Variants in ERC2 observed in about 807,000 individuals in gnomAD.
ERC2 encodes the protein ERC protein 2.
A neutral mutation model predicts 114.8 loss-of-function variants in ERC2; 42 were observed. That is an observed-to-expected ratio of 0.37 (90% CI 0.29 to 0.47). ERC2 has a LOEUF of 0.47. Among genes scored for constraint, ERC2 ranks in the 20% least tolerant of loss-of-function variants. The pLI is 0.99. For synonymous variants in ERC2, 454 were observed against 425.5 expected (o/e 1.07, Z -0.82); for missense variants, 939 against 1,150.7 (o/e 0.82, Z 2.66).
At chr3:56,443,538 T>C (rs1279589055) in intron 1 of ERC2, among the ~76,000 whole-genome samples, 1 of 152,134 alleles carries the variant, frequency 6.6e-6, no homozygotes, top group African/African-American at 2.4e-5. Flanking sequence ...ATGGCTGTCA[T>C]GTTCCCCTAA....
chr3:55,985,994 T>G lies in ERC2; in HGVS notation c.2256-6A>C. 1.9e-6 allele frequency: 3 copies of G among 1,540,132 alleles called. No individual in the cohort carries two copies. The highest frequency in any genetic ancestry group is 4.9e-5 in the East Asian group (2 of 41,224). Reference sequence around the variant, plus strand: ...TTACTGACCTGAGAGTCAAGCTGATTGGAGCAAGGGTGAAAGCAGCAATTT... The same window carrying G: ...TTACTGACCTGAGAGTCAAGCTGATGGGAGCAAGGGTGAAAGCAGCAATTT... On this transcript the variant is annotated splice_polypyrimidine_tract_variant and splice_region_variant and intron_variant, in intron 11 of 17. Coordinates refer to ENST00000288221, the MANE Select transcript of ERC2 (RefSeq NM_015576.3).
At chr3:55,672,266 A>G (rs1312348491) in intron 17 of ERC2, among the ~76,000 whole-genome samples, 1 of 151,046 alleles carries the variant, frequency 6.6e-6, no homozygotes, top group Non-Finnish European at 1.5e-5. Context: ...TTGAACCCAC[A>G]AGTCTGAGAC....
At chr3:55,524,210 A>G (rs974779210) in intron 17 of ERC2, among the ~76,000 whole-genome samples, 2 of 152,222 alleles carry the variant, frequency 1.3e-5, no homozygotes, top group African/African-American at 4.8e-5. Flanking sequence ...GAGCTGGGCA[A>G]TAGGACCAGC....
intron 3 of ERC2, among the ~76,000 whole-genome samples, chr3:56,293,362 C>T (rs1170424642): frequency 6.6e-6 from 1 of 152,148 alleles, no homozygotes; most frequent in African/African-American, 2.4e-5. Context: ...TGCCAGTAAA[C>T]CAGCTTTCAG....
At chr3:55,543,507 T>C (rs893278715) in intron 17 of ERC2, among the ~76,000 whole-genome samples, 1 of 152,210 alleles carries the variant, frequency 6.6e-6, no homozygotes, top group Non-Finnish European at 1.5e-5. Context: ...CCTAGTGGCC[T>C]CAGGCGGGTT....
chr3:56,172,558 G>T (rs1419658625), intron 4 of ERC2, among the ~76,000 whole-genome samples: 1 of 152,056 alleles, frequency 6.6e-6, no homozygotes. Context: ...TCTCTTGCAG[G>T]CCCACGGTGA....
intron 3 of ERC2, among the ~76,000 whole-genome samples, chr3:56,220,168 T>G (rs578114592): frequency 1.3e-5 from 2 of 152,202 alleles, no homozygotes; most frequent in African/African-American, 4.8e-5. Flanking sequence ...TAGGGCTTTA[T>G]GCAGATAAGA....
intron 13 of ERC2, among the ~76,000 whole-genome samples, chr3:55,939,191 G>T (rs187868658): frequency 6.6e-6 from 1 of 152,232 alleles, no homozygotes; most frequent in African/African-American, 2.4e-5. Context: ...AAGTGGCAGG[G>T]GCAATCCAGG....
At chr3:55,981,157 T>G (rs145620201) in intron 12 of ERC2, among the ~76,000 whole-genome samples, 142 of 152,356 alleles carry the variant, frequency 9.3e-4, no homozygotes, top group African/African-American at 3.3e-3. Flanking sequence ...GAACCCACTT[T>G]ATGTCTGCAG....
chr3:55,583,445 C>CCTT (rs1559692653), intron 17 of ERC2, among the ~76,000 whole-genome samples: 78 of 56,272 alleles, frequency 1.4e-3, no homozygotes, highest in Non-Finnish European at 2.1e-3. Flanking sequence ...CTTCCTTCCT[C>CCTT]CCTCCCTCCT....
chr3:56,133,428 C>T (rs1201413604), intron 6 of ERC2, among the ~76,000 whole-genome samples: 2 of 151,988 alleles, frequency 1.3e-5, no homozygotes, highest in Non-Finnish European at 2.9e-5. Flanking sequence ...CAGAGCAAGA[C>T]CCCGCTGCAA....
rs749708188 is a variant in ERC2 at position 55,992,109 on chromosome 3, C to T, written c.2203G>A (p.Glu735Lys). 1 of 1,613,992 alleles carries T rather than the reference C, an allele frequency of 6.2e-7. No homozygotes were observed. The highest frequency in any genetic ancestry group is 8.5e-7 in the Non-Finnish European group (1 of 1,179,894). The change falls in exon 11 of 18, where the codon GAG (glutamate) becomes AAG (lysine). Residue 735 changes from glutamate to lysine, a missense_variant. Physicochemically the swap from Glu to Lys is moderately conservative, Grantham distance 56 (BLOSUM62 1). Around this residue, in one of 5 missense-constraint regions of ERC2, gnomAD observed 328 missense variants for 353.9 expected, o/e 0.93. Transcript: ENST00000288221. ...TTGTCATTCTTCTCATTCTCCACCTCCTTGAGGATCTCCAGCAACCGGTCC... is the reference window on the plus strand; with the variant it reads ...TTGTCATTCTTCTCATTCTCCACCTTCTTGAGGATCTCCAGCAACCGGTCC... Reference protein sequence around the residue: ...EVDRLLEILKEVENEKNDKDK... With the variant: ...EVDRLLEILKKVENEKNDKDK...
At chr3:56,227,281 T>C (rs1475598166) in intron 3 of ERC2, among the ~76,000 whole-genome samples, 3 of 152,234 alleles carry the variant, frequency 2.0e-5, no homozygotes, top group Non-Finnish European at 4.4e-5. Flanking sequence ...GAATTCACTA[T>C]AATGTGGAAG....
At chr3:56,449,481 G>C (rs755050197) in intron 1 of ERC2, among the ~76,000 whole-genome samples, 6 of 152,210 alleles carry the variant, frequency 3.9e-5, no homozygotes, top group Non-Finnish European at 5.9e-5. Context: ...AAAGGATGAT[G>C]CTGGCACTTT....
chr3:55,654,743 C>T (rs1329515627), intron 17 of ERC2, among the ~76,000 whole-genome samples: 1 of 152,246 alleles, frequency 6.6e-6, no homozygotes, highest in Non-Finnish European at 1.5e-5. Flanking sequence ...TGTTGGAAGC[C>T]TCCTCTGACA....
intron 5 of ERC2, among the ~76,000 whole-genome samples, chr3:56,143,299 A>G (rs922704342): frequency 6.6e-6 from 1 of 152,150 alleles, no homozygotes; most frequent in African/African-American, 2.4e-5. Context: ...AAGTTCATCT[A>G]TCTGAAAATT....
At chr3:56,331,874 C>A (rs1297046657) in intron 2 of ERC2, among the ~76,000 whole-genome samples, 1 of 152,162 alleles carries the variant, frequency 6.6e-6, no homozygotes, top group East Asian at 1.9e-4. Flanking sequence ...AAAAGCTAGG[C>A]AGATGGATAA....
At chr3:56,291,502 T>G (rs894232056) in intron 3 of ERC2, among the ~76,000 whole-genome samples, 14 of 152,126 alleles carry the variant, frequency 9.2e-5, no homozygotes, top group Middle Eastern at 3.2e-3. Context: ...ATGCAACTCC[T>G]GCCAACTCCA....
chr3:55,968,105 A>G (rs1559948997), intron 12 of ERC2, among the ~76,000 whole-genome samples: 1 of 151,876 alleles, frequency 6.6e-6, no homozygotes, highest in Non-Finnish European at 1.5e-5. Flanking sequence ...TGCTTTCCTT[A>G]TATTTTTAAT....
Sources: allele counts gnomAD v4.1 joint callset (sites outside exome capture counted in the v4.1 genomes callset), GRCh38; gene constraint gnomAD v4.1.1; regional missense constraint gnomAD v4.1.1; transcripts MANE v1.5; gene names NCBI Gene and HGNC (gene_info 2026-07-23, HGNC 2026-07-21).